Variants in CASD1 observed in about 807,000 individuals in gnomAD.
CASD1 encodes the protein N-acetylneuraminate (7)9-O-acetyltransferase.
A neutral mutation model predicts 100.0 loss-of-function variants in CASD1; 41 were observed. The ratio of observed to expected loss-of-function variants is 0.41; its 90% CI spans 0.32 to 0.53. CASD1 has a LOEUF of 0.53. Among genes scored for constraint, CASD1 ranks in the 20% least tolerant of loss-of-function variants. The pLI is 0.25. For synonymous variants in CASD1, 321 were observed against 315.6 expected, an observed-to-expected ratio of 1.02 and a Z score of -0.18; for missense variants, 774 against 948.7, an observed-to-expected ratio of 0.82 and a Z score of 2.42.
chr7:94,616,799 T>C, the CASD1 span: 1 of 152,206 alleles, frequency 6.6e-6, no homozygotes, highest in African/African-American at 2.4e-5. Context: ...TATGAGTGTT[T>C]GTATACAGAC....
the CASD1 span, among the ~76,000 whole-genome samples, chr7:94,567,642 G>A: frequency 1.5e-4 from 23 of 152,154 alleles, no homozygotes; most frequent in Admixed American, 6.6e-5. Flanking sequence ...AACTGAAATA[G>A]GAATGTCTAC....
chr7:94,601,423 ACTT>A, the CASD1 span, among the ~76,000 whole-genome samples: 1 of 135,026 alleles, frequency 7.4e-6, no homozygotes, highest in Non-Finnish European at 1.5e-5. Context: ...TCCCAGTCTT[ACTT>A]AATTCTATCC....
the CASD1 span, among the ~76,000 whole-genome samples, chr7:94,576,077 GCTCT>G: frequency 2.6e-5 from 4 of 152,046 alleles, 1 homozygote; most frequent in South Asian, 8.3e-4. Context: ...TCTGTCTCTT[GCTCT>G]CTCTCTCTTC....
chr7:94,573,479 T>G, the CASD1 span, among the ~76,000 whole-genome samples: 1 of 152,194 alleles, frequency 6.6e-6, no homozygotes, highest in Non-Finnish European at 1.5e-5. Flanking sequence ...TTTTATCCTT[T>G]TTTCTGGCAA....
the CASD1 span, among the ~76,000 whole-genome samples, chr7:94,601,294 A>G: frequency 6.6e-6 from 1 of 151,848 alleles, no homozygotes. Context: ...TAAGTTTAGC[A>G]AAAGAAAAAA....
the CASD1 span, among the ~76,000 whole-genome samples, chr7:94,615,867 T>C: frequency 6.6e-6 from 1 of 152,168 alleles, no homozygotes; most frequent in Admixed American, 6.5e-5. Context: ...TATCCCAGGC[T>C]AAATACATCC....
At chr7:94,608,845 G>T in the CASD1 span, among the ~76,000 whole-genome samples, 1 of 152,180 alleles carries the variant, frequency 6.6e-6, no homozygotes, top group Non-Finnish European at 1.5e-5. Context: ...TGAACAAATG[G>T]TGTTGAAAAA....
the CASD1 span, among the ~76,000 whole-genome samples, chr7:94,592,430 T>G: frequency 2.0e-5 from 3 of 152,160 alleles, no homozygotes; most frequent in African/African-American, 7.2e-5. Flanking sequence ...GGAGGGACCT[T>G]AATGAAGTCA....
intron 3 of CASD1, among the ~76,000 whole-genome samples, chr7:94,526,139 A>G (rs1048663585): frequency 1.2e-4 from 18 of 152,322 alleles, no homozygotes; most frequent in Non-Finnish European, 2.4e-4. Flanking sequence ...TACACTGGTG[A>G]GAATGGACTA....
At chr7:94,560,841 G>A (rs570456038), downstream of CASD1, among the ~76,000 whole-genome samples, 15 of 152,196 alleles carry the variant, frequency 9.9e-5, 1 homozygote, top group South Asian at 3.1e-3. Flanking sequence ...TTAAAGACAT[G>A]TAAAATAAAC....
At chr7:94,613,529 G>T in the CASD1 span, among the ~76,000 whole-genome samples, 1 of 152,138 alleles carries the variant, frequency 6.6e-6, no homozygotes, top group African/African-American at 2.4e-5. Flanking sequence ...AGACTGGAGT[G>T]CACTAGATAG....
chr7:94,620,943 G>A, the CASD1 span: 1 of 152,216 alleles, frequency 6.6e-6, no homozygotes, highest in Non-Finnish European at 1.5e-5. Context: ...AAATCACAGA[G>A]GCCAAGAGAA....
intron 1 of CASD1, among the ~76,000 whole-genome samples, chr7:94,514,197 A>G (rs764592022): frequency 2.0e-5 from 3 of 152,184 alleles, no homozygotes; most frequent in Non-Finnish European, 4.4e-5. Flanking sequence ...AAATAAGTTG[A>G]AAGCTTCAGA....
At chr7:94,549,031 C>G (rs1040073235) in intron 13 of CASD1, among the ~76,000 whole-genome samples, 1 of 151,840 alleles carries the variant, frequency 6.6e-6, no homozygotes, top group Non-Finnish European at 1.5e-5. Context: ...TCTTTTAACT[C>G]AAATAGTTAA....
At chr7:94,587,734 A>T in the CASD1 span, 6 of 1,533,392 alleles carry the variant, frequency 3.9e-6, no homozygotes, top group Non-Finnish European at 4.4e-6. Flanking sequence ...ATTCTGATAA[A>T]CATCTTGTAA....
At chr7:94,552,643 A>G (rs538020601) in intron 16 of CASD1, among the ~76,000 whole-genome samples, 20 of 152,240 alleles carry the variant, frequency 1.3e-4, no homozygotes, top group African/African-American at 4.6e-4. Flanking sequence ...AGTATTTTTC[A>G]CTTAATCTGC....
At chr7:94,542,177 TAATTAGG>T (rs1404073734) in intron 10 of CASD1, among the ~76,000 whole-genome samples, 1 of 152,166 alleles carries the variant, frequency 6.6e-6, no homozygotes, top group African/African-American at 2.4e-5. Context: ...GTGCTTAAAG[TAATTAGG>T]AATGATTAAC....
At position 94,527,149 on chromosome 7, in the gene CASD1, C is replaced by G. The variant is rs116013857; in HGVS notation, c.352-13C>G. 492 of 1,600,140 alleles carry G rather than the reference C, an allele frequency of 3.1e-4. 2 individuals are homozygous for G. The African/African-American group carries it at 5.7e-3, about 19-fold the overall frequency. On this transcript the variant is annotated splice_polypyrimidine_tract_variant and intron_variant, in intron 3 of 17. Coordinates refer to ENST00000297273, the MANE Select transcript of CASD1 (RefSeq NM_022900.5). ...TCTATACATTAATATTTCTCTGTCTCCTTTTATGGCAGCATGAAAACATTC... is the reference window on the plus strand; with the variant it reads ...TCTATACATTAATATTTCTCTGTCTGCTTTTATGGCAGCATGAAAACATTC...
intron 10 of CASD1, among the ~76,000 whole-genome samples, chr7:94,540,058 A>G (rs1041896334): frequency 2.0e-5 from 3 of 152,128 alleles, no homozygotes; most frequent in African/African-American, 7.2e-5. Flanking sequence ...GATTATTATG[A>G]TCTCTGGCCA....
Sources: allele counts gnomAD v4.1 joint callset (sites outside exome capture counted in the v4.1 genomes callset), GRCh38; gene constraint gnomAD v4.1.1; transcripts MANE v1.5; gene names NCBI Gene and HGNC (gene_info 2026-07-23, HGNC 2026-07-21).